CNTN4: variants seen among roughly 807,000 people sequenced by gnomAD.
CNTN4 encodes the protein contactin-4.
Under a neutral mutation model 122.5 loss-of-function variants are expected in CNTN4, and 77 were observed. The ratio of observed to expected loss-of-function variants is 0.63; its 90% confidence interval spans 0.52 to 0.76. The LOEUF is 0.76. Among genes scored for constraint, CNTN4 ranks in the 30% least tolerant of loss-of-function variants. The probability of loss-of-function intolerance (pLI) is 0.00; values close to 1 mark genes in which losing one functional copy is unlikely to be tolerated. For synonymous variants in CNTN4, 512 were observed against 447.0 expected (o/e 1.15, Z -1.83); for missense variants, 1,256 against 1,259.1 (o/e 1.00, Z 0.04).
At chr3:2,569,373 T>C (rs1312271668) in intron 3 of CNTN4, among the ~76,000 whole-genome samples, 2 of 152,186 alleles carry the variant, frequency 1.3e-5, no homozygotes, top group African/African-American at 4.8e-5. Context: ...CTGTGTTTGC[T>C]CACAGTGTTT....
chr3:3,041,818 C>A (rs1200555832), intron 20 of CNTN4, among the ~76,000 whole-genome samples: 3 of 151,986 alleles, frequency 2.0e-5, no homozygotes, highest in South Asian at 2.1e-4. Context: ...ATTAGCCAGG[C>A]GTGTTGGCAC....
At chr3:2,443,111 A>G (rs1045063913) in intron 3 of CNTN4, among the ~76,000 whole-genome samples, 18 of 151,964 alleles carry the variant, frequency 1.2e-4, no homozygotes, top group Non-Finnish European at 2.2e-4. Context: ...CCTGTGTAAC[A>G]AACCTTCACA....
At chr3:2,347,478 C>T (rs939141424) in intron 3 of CNTN4, among the ~76,000 whole-genome samples, 2 of 139,156 alleles carry the variant, frequency 1.4e-5, no homozygotes, top group African/African-American at 2.7e-5. Flanking sequence ...GGCACCATCT[C>T]GGCTGACTGC....
At chr3:2,261,879 G>A (rs1209630337) in intron 2 of CNTN4, among the ~76,000 whole-genome samples, 4 of 152,116 alleles carry the variant, frequency 2.6e-5, no homozygotes, top group African/African-American at 9.7e-5. Flanking sequence ...CATGTTGAAA[G>A]CGATTTTATT....
At chr3:2,629,444 A>G in intron 4 of CNTN4, 1 of 368,170 alleles carries the variant, frequency 2.7e-6, no homozygotes, top group Non-Finnish European at 5.5e-6. Flanking sequence ...AATTTTCCCA[A>G]GTCCGGTGAT....
intron 4 of CNTN4, among the ~76,000 whole-genome samples, chr3:2,659,545 C>A (rs1305618158): frequency 6.6e-6 from 1 of 150,874 alleles, no homozygotes; most frequent in East Asian, 1.9e-4. Flanking sequence ...ATAGGTATTA[C>A]CCTAGTCTGC....
At chr3:2,871,268 G>A (rs2093780906) in intron 8 of CNTN4, among the ~76,000 whole-genome samples, 1 of 152,140 alleles carries the variant, frequency 6.6e-6, no homozygotes, top group South Asian at 2.1e-4. Flanking sequence ...AAAGTACTTT[G>A]AACAGTGACA....
intron 10 of CNTN4, 29 bp from the exon 11 acceptor site, chr3:2,900,656 A>T: frequency 6.2e-7 from 1 of 1,611,366 alleles, no homozygotes; most frequent in Non-Finnish European, 8.5e-7. Flanking sequence ...CTGAATATAC[A>T]CCTTTCTTTG....
chr3:3,023,795 C>T (rs115181997), intron 14 of CNTN4, among the ~76,000 whole-genome samples: 31 of 152,284 alleles, frequency 2.0e-4, no homozygotes, highest in East Asian at 3.9e-4. Context: ...ATTCCTCCTG[C>T]GTTTGAATAT....
chr3:2,627,679 G>A (rs981961612), intron 4 of CNTN4, among the ~76,000 whole-genome samples: 1 of 151,924 alleles, frequency 6.6e-6, no homozygotes, highest in African/African-American at 2.4e-5. Flanking sequence ...ATTTTTAGTA[G>A]AGACGGGGTT....
chr3:2,784,766 T>G (rs2091742990), intron 6 of CNTN4, among the ~76,000 whole-genome samples: 1 of 152,190 alleles, frequency 6.6e-6, no homozygotes, highest in Non-Finnish European at 1.5e-5. Context: ...TCTCTGAACT[T>G]CATTTCCCCC....
chr3:2,805,756 G>T (rs939572079), intron 6 of CNTN4, among the ~76,000 whole-genome samples: 1 of 152,120 alleles, frequency 6.6e-6, no homozygotes, highest in Admixed American at 6.5e-5. Context: ...TTTTATCCCG[G>T]AAGCTAAACT....
intron 3 of CNTN4, among the ~76,000 whole-genome samples, chr3:2,538,977 C>T (rs1031141722): frequency 6.6e-6 from 1 of 151,836 alleles, no homozygotes; most frequent in Non-Finnish European, 1.5e-5. Flanking sequence ...AATATATATG[C>T]TCAAAATATT....
intron 13 of CNTN4, among the ~76,000 whole-genome samples, chr3:2,970,025 A>T (rs956844006): frequency 1.3e-5 from 2 of 152,160 alleles, no homozygotes; most frequent in African/African-American, 4.8e-5. Flanking sequence ...AAAGAAATTC[A>T]CATATAACTT....
chr3:2,931,866 T>C (rs1306077045), intron 13 of CNTN4, among the ~76,000 whole-genome samples: 1 of 152,160 alleles, frequency 6.6e-6, no homozygotes, highest in Non-Finnish European at 1.5e-5. Context: ...CAGGCTGGTC[T>C]TGAATTCCTG....
At chr3:2,336,097 C>G (rs1198086307) in intron 2 of CNTN4, among the ~76,000 whole-genome samples, 1 of 152,062 alleles carries the variant, frequency 6.6e-6, no homozygotes, top group Non-Finnish European at 1.5e-5. Flanking sequence ...AAGACATGTG[C>G]TGAGTGTAAC....
chr3:2,180,841 C>T (rs1475703091), intron 2 of CNTN4, among the ~76,000 whole-genome samples: 1 of 152,092 alleles, frequency 6.6e-6, no homozygotes, highest in Non-Finnish European at 1.5e-5. Context: ...ATTGAAGAAT[C>T]ACATGCCATT....
chr3:2,774,829 A>G (rs746389397), intron 6 of CNTN4, among the ~76,000 whole-genome samples: 1 of 152,218 alleles, frequency 6.6e-6, no homozygotes, highest in Non-Finnish European at 1.5e-5. Context: ...TCTTATTTGT[A>G]TTAACCATCA....
intron 3 of CNTN4, among the ~76,000 whole-genome samples, chr3:2,496,622 C>T (rs1478273304): frequency 2.0e-5 from 3 of 151,952 alleles, no homozygotes; most frequent in Admixed American, 6.6e-5. Context: ...ACAGAAGGCA[C>T]CATTTTTGAA....
Sources: gnomAD v4.1 joint callset for allele counts (sites outside exome capture counted in the v4.1 genomes callset) on GRCh38, gnomAD v4.1.1 for gene constraint, MANE v1.5 for transcripts, NCBI Gene and HGNC (gene_info 2026-07-23, HGNC 2026-07-21) for gene names.